Variants in SLC24A2 observed in about 807,000 individuals in gnomAD.
SLC24A2 encodes the protein sodium/potassium/calcium exchanger 2.
Under a neutral mutation model 62.0 loss-of-function variants are expected in SLC24A2, and 36 were observed. The observed-to-expected ratio is 0.58, with a 90% CI of 0.44 to 0.77. The LOEUF (loss-of-function observed/expected upper bound fraction) is 0.77. Among genes scored for constraint, SLC24A2 ranks in the 30% least tolerant of loss-of-function variants. The pLI is 0.00. For missense variants in SLC24A2, 846 were observed against 817.9 expected (o/e 1.03, Z -0.42); for synonymous variants, 358 against 294.0 (o/e 1.22, Z -2.23).
At chr9:20,126,298 GTTC>G in the SLC24A2 span, among the ~76,000 whole-genome samples, 1 of 152,000 alleles carries the variant, frequency 6.6e-6, no homozygotes, top group Non-Finnish European at 1.5e-5. Context: ...AATGTTCATA[GTTC>G]TTCTATGAAA....
intron 8 of SLC24A2, among the ~76,000 whole-genome samples, chr9:19,542,222 G>T (rs1355820531): frequency 1.3e-5 from 2 of 152,114 alleles, no homozygotes; most frequent in African/African-American, 4.8e-5. Flanking sequence ...GGCCATCTTG[G>T]CTCCTCCCTT....
the SLC24A2 span, among the ~76,000 whole-genome samples, chr9:20,090,421 G>C: frequency 1.3e-5 from 2 of 152,182 alleles, no homozygotes; most frequent in Non-Finnish European, 2.9e-5. Flanking sequence ...ACTCAAGTGG[G>C]AGAGGAGCCC....
the SLC24A2 span, among the ~76,000 whole-genome samples, chr9:19,965,260 G>A: frequency 2.6e-5 from 4 of 152,054 alleles, no homozygotes; most frequent in African/African-American, 9.7e-5. Flanking sequence ...CGCAGCACTG[G>A]CCAATCAGAA....
chr9:20,111,420 G>A, the SLC24A2 span, among the ~76,000 whole-genome samples: 1 of 152,138 alleles, frequency 6.6e-6, no homozygotes, highest in Non-Finnish European at 1.5e-5. Context: ...TAGCCTAGAG[G>A]CACTGCACCG....
rs555393041 is a variant in SLC24A2, at chr9:19,582,776, T to A, written c.1130-5754A>T. Among the ~76,000 whole-genome samples the A allele has an allele frequency of 4.6e-5, 7 of 152,244 alleles. No individual in the cohort carries two copies. The East Asian group carries it at 1.4e-3, about 29-fold the overall frequency. ...CAGAAGGCTTGCAACAGAACTGGTG[T>A]GGCATCATGAAGTTATCCTGGGCTC... On this transcript the variant is annotated intron_variant, in intron 5 of 10. Coordinates refer to ENST00000341998, the MANE Select transcript of SLC24A2 (RefSeq NM_020344.4).
At chr9:20,304,322 A>T in the SLC24A2 span, among the ~76,000 whole-genome samples, 2 of 152,204 alleles carry the variant, frequency 1.3e-5, no homozygotes, top group African/African-American at 2.4e-5. Context: ...GGGCTTATAA[A>T]GCACAGAGGG....
chr9:19,970,177 T>C, the SLC24A2 span, among the ~76,000 whole-genome samples: 1 of 152,254 alleles, frequency 6.6e-6, no homozygotes, highest in South Asian at 2.1e-4. Context: ...AGCTCCTTTA[T>C]TGCAAGGTGA....
At chr9:20,241,404 G>A in the SLC24A2 span, among the ~76,000 whole-genome samples, 4 of 152,134 alleles carry the variant, frequency 2.6e-5, no homozygotes, top group Admixed American at 2.6e-4. Flanking sequence ...TGAGGTCATC[G>A]CTTATGTCTC....
chr9:19,678,685 T>C (rs1015724051), intron 2 of SLC24A2, among the ~76,000 whole-genome samples: 1 of 152,164 alleles, frequency 6.6e-6, no homozygotes, highest in Non-Finnish European at 1.5e-5. Context: ...AGAAATTAGG[T>C]GAATCTGCTA....
the SLC24A2 span, among the ~76,000 whole-genome samples, chr9:20,287,062 C>T: frequency 6.6e-6 from 1 of 152,186 alleles, no homozygotes; most frequent in Non-Finnish European, 1.5e-5. Context: ...GGTCTGCTTC[C>T]TAAATAAACA....
chr9:19,924,990 T>C, the SLC24A2 span, among the ~76,000 whole-genome samples: 4 of 152,228 alleles, frequency 2.6e-5, no homozygotes, highest in Admixed American at 6.5e-5. Context: ...CTAAGGGGTC[T>C]TTGGCCCCAG....
the SLC24A2 span, chr9:19,928,145 A>C: frequency 2.0e-5 from 3 of 152,464 alleles, no homozygotes; most frequent in Non-Finnish European, 2.9e-5. Context: ...AGACTCTCAG[A>C]GGCCTGGCCA....
intron 8 of SLC24A2, among the ~76,000 whole-genome samples, chr9:19,546,751 A>G (rs1368951871): frequency 6.6e-6 from 1 of 151,820 alleles, no homozygotes; most frequent in African/African-American, 2.4e-5. Flanking sequence ...AAAAAACAAC[A>G]CAAAACTCCT....
chr9:20,058,781 A>ATG, the SLC24A2 span, among the ~76,000 whole-genome samples: 1 of 152,162 alleles, frequency 6.6e-6, no homozygotes, highest in African/African-American at 2.4e-5. Context: ...AAACACATAC[A>ATG]CATGCATACA....
At chr9:19,706,130 A>G (rs1587187313) in intron 2 of SLC24A2, among the ~76,000 whole-genome samples, 2 of 152,014 alleles carry the variant, frequency 1.3e-5, no homozygotes, top group South Asian at 4.2e-4. Flanking sequence ...TATTGGGTGC[A>G]TATATATTTA....
chr9:19,655,825 T>C (rs1484442028), intron 2 of SLC24A2, among the ~76,000 whole-genome samples: 1 of 152,158 alleles, frequency 6.6e-6, no homozygotes, highest in Non-Finnish European at 1.5e-5. Flanking sequence ...TTTGAGTTCA[T>C]ATCTGGCTGG....
chr9:20,276,190 T>C, the SLC24A2 span, among the ~76,000 whole-genome samples: 2,633 of 152,300 alleles, frequency 0.017, 88 homozygotes, highest in African/African-American at 0.059. Context: ...GCTAAGTCGC[T>C]TCTGCCTATA....
chr9:19,533,695 C>G (rs1475969720), intron 8 of SLC24A2, among the ~76,000 whole-genome samples: 1 of 152,180 alleles, frequency 6.6e-6, no homozygotes, highest in Non-Finnish European at 1.5e-5. Context: ...AGACCAGCAG[C>G]TGAACTGTCC....
At chr9:19,848,439 A>C in the SLC24A2 span, among the ~76,000 whole-genome samples, 2 of 152,288 alleles carry the variant, frequency 1.3e-5, no homozygotes, top group South Asian at 4.2e-4. Context: ...ATAAGCAACA[A>C]TTTATTATTG....
Sources: gnomAD v4.1 joint callset for allele counts (sites outside exome capture counted in the v4.1 genomes callset) on GRCh38, gnomAD v4.1.1 for gene constraint, MANE v1.5 for transcripts, NCBI Gene and HGNC (gene_info 2026-07-23, HGNC 2026-07-21) for gene names.